Variants in PARK7 observed in about 807,000 individuals in gnomAD.
The protein encoded by PARK7 is Parkinsonism associated deglycase.
A neutral mutation model predicts 20.5 loss-of-function variants in PARK7; 14 were observed. The ratio of observed to expected loss-of-function variants is 0.68; its 90% confidence interval spans 0.45 to 1.07. The LOEUF is 1.07. PARK7 is among the 50% of genes least tolerant of loss of function. The pLI is 0.00. For missense variants in PARK7, 234 were observed against 238.1 expected, an observed-to-expected ratio of 0.98 and a Z score of 0.11; for synonymous variants, 98 against 84.3, an observed-to-expected ratio of 1.16 and a Z score of -0.89.
intron 1 of PARK7, among the ~76,000 whole-genome samples, chr1:7,962,559 T>C (rs898687369): frequency 4.6e-5 from 7 of 152,174 alleles, no homozygotes; most frequent in Admixed American, 6.5e-5. Flanking sequence ...TCATTATGTT[T>C]TCATCTCAGA....
intron 4 of PARK7, among the ~76,000 whole-genome samples, chr1:7,970,693 A>C (rs1640447036): frequency 6.6e-6 from 1 of 152,222 alleles, no homozygotes; most frequent in South Asian, 2.1e-4. Flanking sequence ...TTCTCTTATG[A>C]GAAATGCCTT....
In PARK7 at chr1:7,984,849, C is replaced by T; in HGVS notation, c.410-45C>T. On this transcript the variant is annotated intron_variant, in intron 6 of 6. Coordinates refer to ENST00000338639, the MANE Select transcript of PARK7 (RefSeq NM_007262.5). This position sits in a 1 kb window ranked among gnomAD's most constrained non-coding sequence, Gnocchi z 4.3. ...ATTGGTAAGTAATCGTCTTTCTCGT[C>T]ACATAGCCCATTAGGATGTCACCTT... 6.2e-7 allele frequency: 1 copy of T among 1,606,808 alleles called. No homozygotes were observed. The highest frequency in any genetic ancestry group is 8.5e-7 in the Non-Finnish European group (1 of 1,173,662).
intron 6 of PARK7, among the ~76,000 whole-genome samples, chr1:7,981,050 A>T (rs79515023): frequency 0.02 from 2,991 of 152,166 alleles, 101 homozygotes; most frequent in African/African-American, 0.068. Flanking sequence ...TAAGTCAGTT[A>T]TAACTGTAAT....
intron 3 of PARK7, among the ~76,000 whole-genome samples, chr1:7,966,277 T>C (rs1457126408): frequency 6.6e-6 from 1 of 152,134 alleles, no homozygotes; most frequent in Non-Finnish European, 1.5e-5. Flanking sequence ...CGAGCTGTCC[T>C]CAGATACATA....
chr1:7,978,815 C>G (rs1640643058), intron 6 of PARK7, among the ~76,000 whole-genome samples: 1 of 148,974 alleles, frequency 6.7e-6, no homozygotes, highest in African/African-American at 2.5e-5. Context: ...CCACTGAACT[C>G]CAGCCTGGAG....
chr1:7,983,952 T>G (rs1257617570), intron 6 of PARK7, among the ~76,000 whole-genome samples: 1 of 152,176 alleles, frequency 6.6e-6, no homozygotes, highest in Non-Finnish European at 1.5e-5. Flanking sequence ...TGTTCATAGA[T>G]TGTGATAGAT....
In PARK7 at chr1:7,984,917, C is replaced by G; in HGVS notation, c.433C>G (p.Arg145Gly). 1 of 1,614,152 alleles carries G rather than the reference C, an allele frequency of 6.2e-7. No individual in the cohort carries two copies. Among genetic ancestry groups the G allele is most frequent in the Non-Finnish European group, 8.5e-7 (1 of 1,180,032 alleles). ...AGGTCATTACACCTACTCTGAGAAT[C>G]GTGTGGAAAAAGACGGCCTGATTCT... is the stretch of plus-strand genomic sequence containing the variant. ...NGGHYTYSENRVEKDGLILTS... is the reference protein window; with the variant it reads ...NGGHYTYSENGVEKDGLILTS... Residue 145 changes from arginine (R) to glycine (G), a missense_variant, in exon 7 of 7, where the codon CGT becomes GGT. Coordinates refer to ENST00000338639, the MANE Select transcript of PARK7 (RefSeq NM_007262.5). This position sits in a 1 kb window ranked among gnomAD's most constrained non-coding sequence, Gnocchi z 4.3.
At chr1:7,981,571 G>T (rs1027995817) in intron 6 of PARK7, among the ~76,000 whole-genome samples, 2 of 152,100 alleles carry the variant, frequency 1.3e-5, no homozygotes, top group Admixed American at 1.3e-4. Context: ...GGGTGGCTTT[G>T]TGCCAGTGAA....
intron 5 of PARK7, among the ~76,000 whole-genome samples, chr1:7,976,525 A>C (rs1268331138): frequency 6.6e-6 from 1 of 152,184 alleles, no homozygotes; most frequent in Non-Finnish European, 1.5e-5. Flanking sequence ...GAAAGACTTC[A>C]TCAACTGACA....
chr1:7,981,555 C>CA (rs1253435199), intron 6 of PARK7, among the ~76,000 whole-genome samples: 5 of 152,228 alleles, frequency 3.3e-5, no homozygotes, highest in Admixed American at 2.0e-4. Flanking sequence ...CAGTACTAAA[C>CA]ACGCAGGGTG....
intron 5 of PARK7, among the ~76,000 whole-genome samples, chr1:7,974,764 A>G (rs1003641833): frequency 2.6e-5 from 4 of 152,122 alleles, no homozygotes; most frequent in African/African-American, 7.2e-5. Flanking sequence ...GAGCTGAGCT[A>G]ATTGAGATGA....
chr1:7,981,553 AAC>A (rs1461113265), intron 6 of PARK7, among the ~76,000 whole-genome samples: 1 of 152,244 alleles, frequency 6.6e-6, no homozygotes, highest in African/African-American at 2.4e-5. Context: ...GACAGTACTA[AAC>A]ACGCAGGGTG....
chr1:7,967,646 T>C (rs226253), intron 3 of PARK7, among the ~76,000 whole-genome samples: 100,147 of 152,152 alleles, frequency 0.66, 34,192 homozygotes, highest in African/African-American at 0.84. Flanking sequence ...AAGCCAGCCA[T>C]AGTGGTTCAC....
At chr1:7,971,991 G>A (rs1336007568) in intron 5 of PARK7, 2 of 151,946 alleles carry the variant, frequency 1.3e-5, no homozygotes, top group Non-Finnish European at 2.9e-5. Context: ...ATGAATAAAC[G>A]AATGAATGAG....
chr1:7,969,336 C>T lies in PARK7; in HGVS notation c.193-9C>T. 1 of 1,606,740 alleles carries T rather than the reference C, an allele frequency of 6.2e-7. No homozygotes were observed. The highest frequency in any genetic ancestry group is 8.5e-7 in the Non-Finnish European group (1 of 1,175,232). On this transcript the variant is annotated splice_polypyrimidine_tract_variant and intron_variant, in intron 3 of 6. Transcript: ENST00000338639. Reference sequence around the variant, plus strand: ...GTTTTTGTTTTCTTTATGTTTTAAACTGTTACAGGGACCATATGATGTGGT... The same window carrying T: ...GTTTTTGTTTTCTTTATGTTTTAAATTGTTACAGGGACCATATGATGTGGT...
chr1:7,984,997 C>A lies in PARK7; in HGVS notation c.513C>A (p.Ala171=). The change falls in exon 7 of 7, where the codon GCC becomes GCA. Residue 171 remains alanine (A), a synonymous_variant. Coordinates refer to ENST00000338639, the MANE Select transcript of PARK7 (RefSeq NM_007262.5). This position sits in a 1 kb window ranked among gnomAD's most constrained non-coding sequence, Gnocchi z 4.3. ...SFEFALAIVE[A]LNGKEVAAQV... ...AGTTTGCGCTTGCAATTGTTGAAGC[C>A]CTGAATGGCAAGGAGGTGGCGGCTC... 6.2e-7 allele frequency: 1 copy of A among 1,614,086 alleles called. No homozygotes were observed. The highest frequency in any genetic ancestry group is 8.5e-7 in the Non-Finnish European group (1 of 1,180,038).
intron 3 of PARK7, among the ~76,000 whole-genome samples, chr1:7,966,522 C>T (rs960337800): frequency 4.0e-5 from 6 of 151,686 alleles, no homozygotes; most frequent in African/African-American, 7.3e-5. Flanking sequence ...ATAGCGAGAC[C>T]GTTTCTCTTT....
intron 5 of PARK7, among the ~76,000 whole-genome samples, chr1:7,976,941 T>C (rs1347773971): frequency 1.3e-5 from 2 of 152,158 alleles, no homozygotes; most frequent in Non-Finnish European, 2.9e-5. Context: ...AGGATGGTCT[T>C]GATCTCCTGA....
At chr1:7,971,390 G>A (rs1026389690) in intron 5 of PARK7, 8 of 259,156 alleles carry the variant, frequency 3.1e-5, no homozygotes, top group African/African-American at 6.6e-5. Context: ...CTGGCTTCTC[G>A]GGCGTTTCTG....
Sources: gnomAD v4.1 joint callset for allele counts (sites outside exome capture counted in the v4.1 genomes callset) on GRCh38, gnomAD v4.1.1 for gene constraint, Gnocchi (gnomAD v3.1) non-coding constraint, MANE v1.5 for transcripts, NCBI Gene and HGNC (gene_info 2026-07-23, HGNC 2026-07-21) for gene names.